The following CUL1 variants were observed in gnomAD, a reference collection of about 807,000 sequenced individuals.
CUL1 encodes cullin 1, also known as cullin-1.
In CUL1, 24 loss-of-function variants were observed where a neutral mutation model predicts 118.0. The ratio of observed to expected loss-of-function variants is 0.20; its 90% CI spans 0.15 to 0.29. CUL1 has a LOEUF of 0.29. Ranked by LOEUF, CUL1 falls within the 10% of genes least tolerant of loss-of-function variation. The pLI, the probability that CUL1 is intolerant of heterozygous loss-of-function variation, is 1.00. For synonymous variants in CUL1, 332 were observed against 340.4 expected (o/e 0.98, Z 0.27); for missense variants, 361 against 933.8 (o/e 0.39, Z 7.99).
chr7:148,789,966 C>T (rs1800950189), intron 15 of CUL1, 140 bp downstream of exon 15: 1 of 799,354 alleles, frequency 1.3e-6, no homozygotes, highest in Non-Finnish European at 2.1e-6. Flanking sequence ...GGGCAACACT[C>T]AGGGAAGAGC....
chr7:148,725,247 A>ACACACACC (rs1249684580), intron 1 of CUL1, among the ~76,000 whole-genome samples: 1 of 150,934 alleles, frequency 6.6e-6, no homozygotes, highest in African/African-American at 2.4e-5. Context: ...ACACACACAC[A>ACACACACC]CCCGTACCCC....
chr7:148,752,094 A>G (rs1350079744), intron 2 of CUL1, among the ~76,000 whole-genome samples: 2 of 151,766 alleles, frequency 1.3e-5, no homozygotes, highest in African/African-American at 4.9e-5. Flanking sequence ...CTGGGCAACA[A>G]GAGTGAAACT....
In CUL1 at chr7:148,777,866, G is replaced by T. The variant is rs546990400; in HGVS notation, c.1084-5917G>T. On this transcript the variant is annotated intron_variant, in intron 9 of 21. Transcript: ENST00000325222. ...GGATCACCTGAGGTCAGGAGTTTGA[G>T]ACCAGTCTGGCCAACATGGTGAAAT... Among the ~76,000 whole-genome samples, 196 of 151,778 alleles carry T rather than the reference G, an allele frequency of 1.3e-3. 1 individual carries two copies. The highest frequency in any genetic ancestry group is 2.2e-3 in the Non-Finnish European group (150 of 67,928).
At chr7:148,768,633 C>A (rs965288077) in intron 9 of CUL1, among the ~76,000 whole-genome samples, 10 of 152,052 alleles carry the variant, frequency 6.6e-5, no homozygotes, top group Non-Finnish European at 1.0e-4. Flanking sequence ...GATTCGCCCG[C>A]CTTGGCCTCC....
chr7:148,775,725 G>A (rs1345208627), intron 9 of CUL1, among the ~76,000 whole-genome samples: 1 of 152,060 alleles, frequency 6.6e-6, no homozygotes, highest in African/African-American at 2.4e-5. Flanking sequence ...AAACAAGGAT[G>A]GTTTGGATTT....
intron 1 of CUL1, among the ~76,000 whole-genome samples, chr7:148,719,297 C>T (rs913913071): frequency 2.9e-4 from 44 of 150,746 alleles, no homozygotes; most frequent in Non-Finnish European, 4.9e-4. Context: ...GGTGACAGAG[C>T]GAGACTTCGT....
At chr7:148,732,640 T>G (rs938933633) in intron 2 of CUL1, among the ~76,000 whole-genome samples, 2 of 152,004 alleles carry the variant, frequency 1.3e-5, no homozygotes, top group African/African-American at 4.8e-5. Flanking sequence ...CGTCCAGCCT[T>G]GGGAATTTCT....
At chr7:148,782,883 G>A (rs1025510077) in intron 9 of CUL1, among the ~76,000 whole-genome samples, 3 of 152,272 alleles carry the variant, frequency 2.0e-5, no homozygotes, top group Non-Finnish European at 4.4e-5. Context: ...GGGTGACCCG[G>A]AGCTCCCTCC....
At chr7:148,744,823 G>A (rs1323443477) in intron 2 of CUL1, among the ~76,000 whole-genome samples, 1 of 152,102 alleles carries the variant, frequency 6.6e-6, no homozygotes, top group Non-Finnish European at 1.5e-5. Context: ...CCTGAAAATA[G>A]CATTATTTTG....
chr7:148,716,825 A>T (rs1289824086), intron 1 of CUL1, among the ~76,000 whole-genome samples: 1 of 151,930 alleles, frequency 6.6e-6, no homozygotes, highest in Non-Finnish European at 1.5e-5. Context: ...TCCCCTACTG[A>T]TAGATTTGGG....
intron 2 of CUL1, among the ~76,000 whole-genome samples, chr7:148,741,863 C>T (rs1799152348): frequency 6.6e-6 from 1 of 152,270 alleles, no homozygotes; most frequent in South Asian, 2.1e-4. Flanking sequence ...CATGAGCCAC[C>T]ACATCCGGCT....
chr7:148,714,493 C>A (rs1798149116), intron 1 of CUL1, among the ~76,000 whole-genome samples: 1 of 152,174 alleles, frequency 6.6e-6, no homozygotes, highest in African/African-American at 2.4e-5. Context: ...CCCCATCCCC[C>A]TCCTTGGTGC....
Position 148,781,761 on chromosome 7 carries a change from C to T in CUL1, c.1084-2022C>T, listed in dbSNP as rs138768151. 4.5e-3 allele frequency among the ~76,000 whole-genome samples: 684 copies of T among 152,270 alleles called. 3 individuals are homozygous for T. Among genetic ancestry groups the T allele is most frequent in the Non-Finnish European group, 7.8e-3 (533 of 68,036 alleles). On this transcript the variant is annotated intron_variant, in intron 9 of 21. Coordinates refer to ENST00000325222, the MANE Select transcript of CUL1 (RefSeq NM_003592.3). ...GGGTGAAGGCGTGTGGCAGGGAAGC[C>T]GTGCAGGCCGAGTGGTCAGGCTGCC...
intron 7 of CUL1, 128 bp downstream of exon 7, chr7:148,760,624 A>G (rs1799797671): frequency 1.5e-6 from 1 of 665,038 alleles, no homozygotes; most frequent in Non-Finnish European, 2.5e-6. Context: ...GAGTGTTTTT[A>G]TCAGGTGCAA....
At chr7:148,768,378 CTTTTTTTTTTTTT>C (rs10595637) in intron 9 of CUL1, among the ~76,000 whole-genome samples, 2 of 94,886 alleles carry the variant, frequency 2.1e-5, no homozygotes, top group East Asian at 6.3e-4. Context: ...AAGAAAAGCT[CTTTTTTTTTTTTT>C]TTTTTTTTTT....
In CUL1 at chr7:148,776,712, G is replaced by A. The variant is rs974957676; in HGVS notation, c.1084-7071G>A. 3.9e-5 allele frequency among the ~76,000 whole-genome samples: 6 copies of A among 152,078 alleles called. 1 individual carries two copies. The highest frequency in any genetic ancestry group is 4.2e-4 in the South Asian group (2 of 4,808). On this transcript the variant is annotated intron_variant, in intron 9 of 21. Transcript: ENST00000325222. ...ACAAGCAAATCCACTATGGATGCAC[G>A]TCCCTACCCAAATTTGACTTTATAC... is the stretch of plus-strand genomic sequence containing the variant.
At chr7:148,784,988 T>C (rs947689367) in intron 11 of CUL1, among the ~76,000 whole-genome samples, 8 of 152,176 alleles carry the variant, frequency 5.3e-5, no homozygotes, top group Non-Finnish European at 1.2e-4. Context: ...AACATAAGGA[T>C]AACCCAGCAG....
At chr7:148,797,906 A>G (rs1233774580) in intron 18 of CUL1, 31 bp from the exon 19 acceptor site, 2 of 1,609,506 alleles carry the variant, frequency 1.2e-6, no homozygotes, top group Non-Finnish European at 1.7e-6. Flanking sequence ...CCTTTTCCTG[A>G]GATTGTAGAG....
intron 2 of CUL1, among the ~76,000 whole-genome samples, chr7:148,730,487 T>C (rs1034427706): frequency 5.3e-5 from 8 of 152,214 alleles, no homozygotes; most frequent in African/African-American, 1.9e-4. Context: ...ATGTGGCTGT[T>C]TACATTTGAA....
Sources: allele counts gnomAD v4.1 joint callset (sites outside exome capture counted in the v4.1 genomes callset), GRCh38; gene constraint gnomAD v4.1.1; transcripts MANE v1.5; gene names NCBI Gene and HGNC (gene_info 2026-07-23, HGNC 2026-07-21).